The following CDH18 variants were observed in gnomAD, a reference collection of about 807,000 sequenced individuals.
CDH18 encodes the protein cadherin 18, also known as cadherin-18.
CDH18 carries 31 observed loss-of-function variants against 67.9 expected under a neutral mutation model. The ratio of observed to expected loss-of-function variants is 0.46; its 90% confidence interval spans 0.34 to 0.62. The LOEUF is 0.62. Among genes scored for constraint, CDH18 ranks in the 20% least tolerant of loss-of-function variants. The pLI is 0.01. For missense variants in CDH18, 890 were observed against 975.5 expected, an observed-to-expected ratio of 0.91 and a Z score of 1.17; for synonymous variants, 362 against 347.2, an observed-to-expected ratio of 1.04 and a Z score of -0.48.
intron 1 of CDH18, among the ~76,000 whole-genome samples, chr5:20,410,719 T>C (rs1343295150): frequency 6.6e-6 from 1 of 151,798 alleles, no homozygotes; most frequent in Non-Finnish European, 1.5e-5. Flanking sequence ...AAATTTTCTT[T>C]GTAGGCAAAT....
At chr5:20,117,589 C>G (rs1351655756) in intron 2 of CDH18, among the ~76,000 whole-genome samples, 2 of 152,118 alleles carry the variant, frequency 1.3e-5, no homozygotes, top group East Asian at 3.9e-4. Context: ...GGGTTATAAA[C>G]AATATTTACC....
chr5:19,831,985 C>A (rs1428657444), intron 3 of CDH18, among the ~76,000 whole-genome samples: 1 of 152,034 alleles, frequency 6.6e-6, no homozygotes, highest in Non-Finnish European at 1.5e-5. Context: ...AAGCCATTAT[C>A]CCAAGTGAGC....
chr5:19,646,010 G>A (rs543317186), intron 5 of CDH18, among the ~76,000 whole-genome samples: 7 of 152,038 alleles, frequency 4.6e-5, no homozygotes, highest in Non-Finnish European at 8.8e-5. Context: ...AGAAGAAAAC[G>A]ACAAATGATG....
chr5:20,125,302 A>G lies in CDH18; in HGVS notation c.-518+130142T>C, dbSNP rs72743030. ...TACAACTTCGTGTGTGTGTGTGTGT[A>G]TATGTGTTTGTGTGTGGATGAGTGT... On this transcript the variant is annotated intron_variant, in intron 2 of 14. Transcript: ENST00000507958. 4.0e-4 allele frequency among the ~76,000 whole-genome samples: 46 copies of G among 113,592 alleles called. No individual in the cohort carries two copies. The East Asian group carries it at 7.2e-3, about 18-fold the overall frequency. 74.5% of individuals were successfully genotyped at this position (113,592 alleles called of 152,430 possible).
chr5:19,629,229 T>C (rs1298638614), intron 5 of CDH18, among the ~76,000 whole-genome samples: 1 of 152,176 alleles, frequency 6.6e-6, no homozygotes, highest in Non-Finnish European at 1.5e-5. Context: ...CTTAAGTATC[T>C]GAGTCAGTGG....
At chr5:19,958,792 A>T (rs902387917) in intron 2 of CDH18, among the ~76,000 whole-genome samples, 1 of 151,998 alleles carries the variant, frequency 6.6e-6, no homozygotes, top group Non-Finnish European at 1.5e-5. Context: ...AACATGTGTG[A>T]TGTTCCGTGT....
intron 5 of CDH18, among the ~76,000 whole-genome samples, chr5:19,682,824 C>T (rs1401096420): frequency 6.6e-6 from 1 of 152,034 alleles, no homozygotes; most frequent in Non-Finnish European, 1.5e-5. Flanking sequence ...TTAGTTTCAT[C>T]CAGCCATCTT....
chr5:20,489,203 T>C (rs66606781), intron 1 of CDH18, among the ~76,000 whole-genome samples: 23,377 of 152,042 alleles, frequency 0.15, 2,429 homozygotes, highest in Non-Finnish European at 0.23. Context: ...TCCTTGAGAT[T>C]TAGATATGAC....
chr5:19,820,061 C>A (rs1288487056), intron 3 of CDH18, among the ~76,000 whole-genome samples: 3 of 152,122 alleles, frequency 2.0e-5, no homozygotes, highest in Non-Finnish European at 4.4e-5. Flanking sequence ...GAGCAAAACA[C>A]CCAGGAGTAT....
chr5:20,478,063 A>G (rs1023748101), intron 1 of CDH18, among the ~76,000 whole-genome samples: 1 of 152,140 alleles, frequency 6.6e-6, no homozygotes, highest in Non-Finnish European at 1.5e-5. Context: ...CACCTGCTCA[A>G]TAAAGAGCTC....
At chr5:20,038,769 T>A (rs1168845227) in intron 2 of CDH18, among the ~76,000 whole-genome samples, 1 of 152,166 alleles carries the variant, frequency 6.6e-6, no homozygotes, top group Non-Finnish European at 1.5e-5. Flanking sequence ...AAACATTCCC[T>A]GTGAAAACCA....
intron 2 of CDH18, among the ~76,000 whole-genome samples, chr5:20,025,270 G>T (rs936829108): frequency 2.6e-5 from 4 of 152,072 alleles, no homozygotes; most frequent in Admixed American, 2.6e-4. Flanking sequence ...TTCCCACTTG[G>T]TTATGACTTT....
At chr5:20,010,551 TTCAA>T (rs1332414030) in intron 2 of CDH18, among the ~76,000 whole-genome samples, 1 of 152,106 alleles carries the variant, frequency 6.6e-6, no homozygotes, top group East Asian at 1.9e-4. Flanking sequence ...GTTCCTCTCA[TTCAA>T]TCAAATGAAT....
intron 2 of CDH18, among the ~76,000 whole-genome samples, chr5:19,994,260 C>T (rs898896795): frequency 3.4e-5 from 5 of 147,484 alleles, no homozygotes; most frequent in African/African-American, 1.2e-4. Flanking sequence ...CACATATATA[C>T]ACATATATGT....
chr5:20,510,109 T>C (rs1754936423), intron 1 of CDH18, among the ~76,000 whole-genome samples: 1 of 152,188 alleles, frequency 6.6e-6, no homozygotes, highest in South Asian at 2.1e-4. Flanking sequence ...TGATATTTCA[T>C]TGTAGTTTTA....
intron 11 of CDH18, among the ~76,000 whole-genome samples, chr5:19,488,681 T>G (rs190950107): frequency 2.6e-5 from 4 of 152,310 alleles, no homozygotes; most frequent in Admixed American, 6.5e-5. Flanking sequence ...GGTACTTGAT[T>G]AATAATGATT....
chr5:20,509,100 A>T (rs1043350915), intron 1 of CDH18, among the ~76,000 whole-genome samples: 1 of 152,196 alleles, frequency 6.6e-6, no homozygotes, highest in South Asian at 2.1e-4. Flanking sequence ...TGATAAAAGC[A>T]CTTAAAATCT....
In CDH18 at chr5:20,374,128, C is replaced by G. The variant is rs145315904; in HGVS notation, c.-579-118623G>C. Among the ~76,000 whole-genome samples, 639 of 152,214 alleles carry G rather than the reference C, an allele frequency of 4.2e-3. 2 individuals are homozygous for G. Among genetic ancestry groups the G allele is most frequent in the Non-Finnish European group, 7.3e-3 (494 of 67,998 alleles). On this transcript the variant is annotated intron_variant, in intron 1 of 14. Transcript: ENST00000507958. Reference sequence around the variant, plus strand: ...ACCAAACCTAGAAAGGCCAAGTTCCCGTGTTATTCTGCTGATAAATTACAA... The same window carrying G: ...ACCAAACCTAGAAAGGCCAAGTTCCGGTGTTATTCTGCTGATAAATTACAA...
intron 8 of CDH18, among the ~76,000 whole-genome samples, chr5:19,570,275 G>A (rs905429848): frequency 6.6e-6 from 1 of 152,046 alleles, no homozygotes; most frequent in Admixed American, 6.6e-5. Flanking sequence ...ACTGATTTCT[G>A]TAACTTGGTT....
Sources: allele counts gnomAD v4.1 joint callset (sites outside exome capture counted in the v4.1 genomes callset), GRCh38; gene constraint gnomAD v4.1.1; transcripts MANE v1.5; gene names NCBI Gene and HGNC (gene_info 2026-07-23, HGNC 2026-07-21).